XKRX: variants seen among roughly 807,000 people sequenced by gnomAD.
The protein encoded by XKRX is XK related X-linked.
In XKRX, 11 loss-of-function variants were observed where a neutral mutation model predicts 22.4. The ratio of observed to expected loss-of-function variants is 0.49; its 90% CI spans 0.31 to 0.81. The LOEUF is 0.81. Ranked by LOEUF, XKRX falls within the 40% of genes least tolerant of loss-of-function variation. The probability of loss-of-function intolerance (pLI) is 0.05; values close to 1 mark genes in which losing one functional copy is unlikely to be tolerated. For missense variants in XKRX, 320 were observed against 336.5 expected, an observed-to-expected ratio of 0.95 and a Z score of 0.38; for synonymous variants, 114 against 132.2, an observed-to-expected ratio of 0.86 and a Z score of 0.94.
downstream of XKRX, among the ~76,000 whole-genome samples, chrX:100,913,183 G>A (rs1456472855): frequency 9.6e-6 from 1 of 103,939 alleles, no homozygotes; most frequent in Non-Finnish European, 1.9e-5. Context: ...AGAAAACAGA[G>A]CGAGACTCCA....
chrX:100,917,714 G>GAAAGA (rs2085451256), intron 2 of XKRX, among the ~76,000 whole-genome samples: 1 of 105,025 alleles, frequency 9.5e-6, no homozygotes, highest in African/African-American at 3.5e-5. Flanking sequence ...AAGAAAGAAA[G>GAAAGA]AAAGAAAGAA....
the XKRX span, among the ~76,000 whole-genome samples, chrX:100,958,175 T>C: frequency 2.7e-5 from 3 of 112,467 alleles, no homozygotes; most frequent in Non-Finnish European, 5.6e-5. Flanking sequence ...TTAGAATCTA[T>C]GGCTTGATTA....
the XKRX span, among the ~76,000 whole-genome samples, chrX:100,948,254 C>G: frequency 9.0e-6 from 1 of 110,983 alleles, no homozygotes; most frequent in African/African-American, 3.3e-5. Context: ...ACAGTCACCT[C>G]AAAAATACAG....
the XKRX span, among the ~76,000 whole-genome samples, chrX:100,889,037 G>A: frequency 1.2e-4 from 13 of 109,471 alleles, no homozygotes; most frequent in Admixed American, 1.1e-3. Flanking sequence ...TCAGGAGTTC[G>A]AGACCAGTCA....
chrX:100,957,778 C>G, the XKRX span, among the ~76,000 whole-genome samples: 2 of 111,568 alleles, frequency 1.8e-5, no homozygotes, highest in African/African-American at 6.5e-5. Flanking sequence ...CGTATTTGTC[C>G]CAAAAGTTGT....
At chrX:100,916,513 A>T (rs1309665126) in intron 2 of XKRX, among the ~76,000 whole-genome samples, 1 of 112,411 alleles carries the variant, frequency 8.9e-6, no homozygotes, top group African/African-American at 3.2e-5. Flanking sequence ...CGGAGCAAAC[A>T]TTGAATAAGG....
At chrX:100,935,347 C>A in the XKRX span, among the ~76,000 whole-genome samples, 1 of 110,454 alleles carries the variant, frequency 9.1e-6, no homozygotes, top group Admixed American at 9.6e-5. Flanking sequence ...AGGATCCATC[C>A]CTTGGACTGG....
At chrX:100,950,896 T>C in the XKRX span, among the ~76,000 whole-genome samples, 3 of 110,813 alleles carry the variant, frequency 2.7e-5, no homozygotes, top group Non-Finnish European at 5.7e-5. Context: ...GCTAAAGCAG[T>C]GGTGACAACA....
the XKRX span, among the ~76,000 whole-genome samples, chrX:100,896,187 C>A: frequency 1.8e-5 from 2 of 111,147 alleles, no homozygotes; most frequent in South Asian, 3.8e-4. Flanking sequence ...ATTGTATAGC[C>A]CATTTGGAGG....
the XKRX span, among the ~76,000 whole-genome samples, chrX:100,951,383 C>T: frequency 1.0e-5 from 1 of 96,707 alleles, no homozygotes; most frequent in African/African-American, 4.0e-5. Context: ...TGTAACAAAC[C>T]TGTACATGTA....
the XKRX span, among the ~76,000 whole-genome samples, chrX:100,946,109 C>T: frequency 1.8e-5 from 2 of 108,689 alleles, no homozygotes; most frequent in Admixed American, 9.9e-5. Flanking sequence ...TTGCTTGAAC[C>T]GGGGAGGCGG....
rs775042969 is a variant in XKRX at position 100,913,775 on chromosome X, G to A, written c.*563C>T. 1 of 113,826 alleles carries A rather than the reference G, an allele frequency of 8.8e-6. No individual in the cohort carries two copies. 9.4% of individuals were successfully genotyped at this position (113,826 alleles called of 1,213,427 possible). On this transcript the variant is annotated 3_prime_UTR_variant, in exon 3 of 3. Coordinates refer to ENST00000372956, the MANE Select transcript of XKRX (RefSeq NM_212559.3). ...TGGCCACTAGTAAAATCCTAACAGAGAGCTAATCTGCTTGGGGAGCAGCTT... is the reference window on the plus strand; with the variant it reads ...TGGCCACTAGTAAAATCCTAACAGAAAGCTAATCTGCTTGGGGAGCAGCTT...
the XKRX span, among the ~76,000 whole-genome samples, chrX:100,893,725 T>C: frequency 8.9e-6 from 1 of 111,786 alleles, no homozygotes; most frequent in African/African-American, 3.3e-5. Flanking sequence ...GAATATCAAA[T>C]AGTGCATGTT....
intron 2 of XKRX, among the ~76,000 whole-genome samples, chrX:100,916,861 G>A (rs753888663): frequency 2.0e-4 from 23 of 112,679 alleles, no homozygotes; most frequent in Non-Finnish European, 3.6e-4. Context: ...ACTCATGCCT[G>A]TAATCCCAGC....
At chrX:100,942,272 G>T in the XKRX span, among the ~76,000 whole-genome samples, 1 of 112,119 alleles carries the variant, frequency 8.9e-6, no homozygotes. Flanking sequence ...AACATCTTCC[G>T]AGGCTCTCCT....
At chrX:100,900,622 C>T in the XKRX span, among the ~76,000 whole-genome samples, 13 of 107,922 alleles carry the variant, frequency 1.2e-4, no homozygotes, top group Middle Eastern at 4.8e-3. Context: ...GGCAAGATAC[C>T]GAGACCTCGC....
intron 2 of XKRX, among the ~76,000 whole-genome samples, chrX:100,920,799 G>A (rs1318594388): frequency 9.0e-6 from 1 of 111,144 alleles, no homozygotes; most frequent in Non-Finnish European, 1.9e-5. Flanking sequence ...TCCCTCTGTC[G>A]CCCAGGCTGG....
At chrX:100,898,348 C>T in the XKRX span, among the ~76,000 whole-genome samples, 581 of 109,160 alleles carry the variant, frequency 5.3e-3, 2 homozygotes, top group African/African-American at 0.018. Context: ...GTATTTTGAT[C>T]TGTCTGGTGA....
intron 1 of XKRX, among the ~76,000 whole-genome samples, chrX:100,926,191 T>C (rs913701256): frequency 6.3e-5 from 7 of 111,907 alleles, no homozygotes; most frequent in African/African-American, 2.3e-4. Flanking sequence ...CTGCAAGTGT[T>C]TGAGTTTGAG....
Sources: gnomAD v4.1 joint callset for allele counts (sites outside exome capture counted in the v4.1 genomes callset) on GRCh38, gnomAD v4.1.1 for gene constraint, MANE v1.5 for transcripts, NCBI Gene and HGNC (gene_info 2026-07-23, HGNC 2026-07-21) for gene names.